The following POTEJ variants were observed in gnomAD, a reference collection of about 807,000 sequenced individuals.
The protein encoded by POTEJ is POTE ankyrin domain family member J.
Under a neutral mutation model 69.0 loss-of-function variants are expected in POTEJ, and 11 were observed. The observed-to-expected ratio is 0.16, with a 90% CI of 0.10 to 0.26. The LOEUF (loss-of-function observed/expected upper bound fraction) is 0.26. Ranked by LOEUF, POTEJ falls within the 10% of genes least tolerant of loss-of-function variation. POTEJ has a pLI of 1.00. For synonymous variants in POTEJ, 117 were observed against 381.1 expected, an observed-to-expected ratio of 0.31 and a Z score of 8.07; for missense variants, 327 against 1,045.5, an observed-to-expected ratio of 0.31 and a Z score of 9.48.
At chr2:130,612,852 T>C (rs1182725011) in intron 1 of POTEJ, among the ~76,000 whole-genome samples, 2 of 144,878 alleles carry the variant, frequency 1.4e-5, no homozygotes, top group African/African-American at 2.6e-5. Context: ...TTAGCGTTTT[T>C]AAATTACACA....
intron 10 of POTEJ, among the ~76,000 whole-genome samples, chr2:130,643,118 G>A (rs1229533355): frequency 6.8e-6 from 1 of 146,986 alleles, no homozygotes; most frequent in African/African-American, 2.5e-5. Flanking sequence ...GTACAGTTTA[G>A]GTGGTCAAGA....
intron 9 of POTEJ, among the ~76,000 whole-genome samples, chr2:130,637,740 A>C (rs1386874289): frequency 6.6e-6 from 1 of 152,282 alleles, no homozygotes; most frequent in Non-Finnish European, 1.5e-5. Flanking sequence ...AACCTAAAAA[A>C]AAAAATAAAA....
chr2:130,636,207 C>T (rs1463837235), intron 9 of POTEJ, among the ~76,000 whole-genome samples: 2 of 151,904 alleles, frequency 1.3e-5, no homozygotes, highest in Non-Finnish European at 2.9e-5. Flanking sequence ...TTAAAACCAC[C>T]TTTCTAAGAA....
intron 9 of POTEJ, among the ~76,000 whole-genome samples, chr2:130,636,054 C>A: frequency 6.9e-6 from 1 of 143,898 alleles, no homozygotes; most frequent in East Asian, 2.0e-4. Context: ...GCTTCAGCCA[C>A]ACTGAATTCT....
intron 13 of POTEJ, among the ~76,000 whole-genome samples, chr2:130,652,230 G>A (rs2105262194): frequency 7.3e-6 from 1 of 136,330 alleles, no homozygotes; most frequent in African/African-American, 2.8e-5. Context: ...CTTCTACCAT[G>A]GTTGTTAAGT....
chr2:130,613,313 CATATATATACATAT>C (rs1558915560), intron 1 of POTEJ, among the ~76,000 whole-genome samples: 1,113 of 76,776 alleles, frequency 0.014, 19 homozygotes, highest in African/African-American at 0.046. Flanking sequence ...TGTATATATA[CATATATATACATAT>C]GTATATATAC....
At chr2:130,641,982 A>G (rs1228394716) in intron 10 of POTEJ, among the ~76,000 whole-genome samples, 1 of 152,026 alleles carries the variant, frequency 6.6e-6, no homozygotes, top group East Asian at 1.9e-4. Context: ...GATACTCTCC[A>G]TGACCTGTGT....
In POTEJ at chr2:130,611,493, C is replaced by G. The variant is rs1193100369; in HGVS notation, c.-40C>G. On this transcript the variant is annotated 5_prime_UTR_variant, in exon 1 of 15. The change creates a new upstream start codon in the 5' untranslated region. Transcript: ENST00000409602. ...GGTGAAACTGGTTGGTAGACGTGAT[C>G]TGCTCGCTACTACCGGCCTCCCCAG... is the stretch of plus-strand genomic sequence containing the variant. 1.6e-6 allele frequency: 1 copy of G among 639,280 alleles called. No individual in the cohort carries two copies. Among genetic ancestry groups the G allele is most frequent in the African/African-American group, 2.6e-5 (1 of 37,886 alleles). 39.6% of individuals were successfully genotyped at this position (639,280 alleles called of 1,614,324 possible).
chr2:130,641,213 A>G (rs1047449100), intron 10 of POTEJ, among the ~76,000 whole-genome samples: 2 of 152,130 alleles, frequency 1.3e-5, no homozygotes, highest in African/African-American at 4.8e-5. Flanking sequence ...GATGGGAGAT[A>G]ATCATGCAAA....
At chr2:130,625,864 C>G (rs1167120292) in intron 6 of POTEJ, among the ~76,000 whole-genome samples, 2 of 133,780 alleles carry the variant, frequency 1.5e-5, no homozygotes, top group African/African-American at 3.2e-5. Context: ...GGAAATTTAC[C>G]GGGTAGAATG....
At position 130,633,965 on chromosome 2, in the gene POTEJ, G is replaced by A. The variant is rs1685998455; in HGVS notation, c.1298+1309G>A. Among the ~76,000 whole-genome samples the A allele has an allele frequency of 1.7e-4, 26 of 151,268 alleles. No individual in the cohort carries two copies. In the South Asian group the frequency reaches 5.2e-3, roughly 30 times the overall value. ...CTCACTCTGTTTCCCAGGCTGGAGT[G>A]CAGTTGTGTGATCATGGCTCACTGC... On this transcript the variant is annotated intron_variant, in intron 9 of 14. Coordinates refer to ENST00000409602, the MANE Select transcript of POTEJ (RefSeq NM_001277083.2).
chr2:130,613,304 GTATA>G (rs1433832003), intron 1 of POTEJ, among the ~76,000 whole-genome samples: 1 of 87,426 alleles, frequency 1.1e-5, no homozygotes, highest in Non-Finnish European at 2.3e-5. Flanking sequence ...ATATACATAT[GTATA>G]TATACATATA....
rs1306625508 is a variant in POTEJ, at chr2:130,651,681, CT to C, written c.1668-3239del. Among the ~76,000 whole-genome samples the C allele has an allele frequency of 2.6e-3, 352 of 134,790 alleles. 4 individuals are homozygous for C. Among genetic ancestry groups the C allele is most frequent in the African/African-American group, 9.8e-3 (339 of 34,468 alleles). 88.4% of individuals were successfully genotyped at this position (134,790 alleles called of 152,430 possible). On this transcript the variant is annotated intron_variant, in intron 13 of 14. Coordinates refer to ENST00000409602, the MANE Select transcript of POTEJ (RefSeq NM_001277083.2). ...ATAATCTCCAGTAGGAGATTTTAGT[CT>C]CTTTGTCAGTTCATGTATGTATATG...
rs1279102916 is a variant in POTEJ, at chr2:130,631,797, T to C, written c.1131+344T>C. On this transcript the variant is annotated intron_variant, in intron 8 of 14. Coordinates refer to ENST00000409602, the MANE Select transcript of POTEJ (RefSeq NM_001277083.2). ...AGAAGATAGCTTCTTATTCTGTGTA[T>C]CTTCCAGCTAGATAATTGTATGGCT... Among the ~76,000 whole-genome samples the C allele has an allele frequency of 2.8e-5, 4 of 142,642 alleles. 1 individual carries two copies. Among genetic ancestry groups the C allele is most frequent in the Admixed American group, 2.8e-4 (4 of 14,466 alleles). The allele number at this position is 142,642 out of a possible 152,430, so 93.6% of individuals were successfully genotyped here.
At chr2:130,629,020 A>G (rs534858689) in intron 6 of POTEJ, among the ~76,000 whole-genome samples, 222 of 138,488 alleles carry the variant, frequency 1.6e-3, no homozygotes, top group African/African-American at 7.1e-3. Flanking sequence ...CCCTGGCTCA[A>G]AAAAAAAAAA....
chr2:130,613,346 GTGTGTGTA>G (rs1685303873), intron 1 of POTEJ, among the ~76,000 whole-genome samples: 1 of 115,662 alleles, frequency 8.6e-6, no homozygotes, highest in Non-Finnish European at 1.7e-5. Flanking sequence ...ACATATATAT[GTGTGTGTA>G]TATATATACA....
At chr2:130,626,174 C>T (rs1402038939) in intron 6 of POTEJ, among the ~76,000 whole-genome samples, 4 of 149,122 alleles carry the variant, frequency 2.7e-5, no homozygotes, top group Non-Finnish European at 5.9e-5. Context: ...ACCACATGCT[C>T]ATTCCCAAAC....
At chr2:130,612,842 T>G (rs1390508072) in intron 1 of POTEJ, among the ~76,000 whole-genome samples, 1 of 145,980 alleles carries the variant, frequency 6.9e-6, no homozygotes, top group African/African-American at 2.5e-5. Flanking sequence ...TAGCAAAGTT[T>G]TAGCGTTTTT....
intron 8 of POTEJ, among the ~76,000 whole-genome samples, chr2:130,631,936 C>A (rs1487197973): frequency 1.4e-5 from 2 of 143,316 alleles, no homozygotes; most frequent in Non-Finnish European, 3.0e-5. Context: ...TTTCAGTGAG[C>A]ACCATCATGT....
Sources: allele counts gnomAD v4.1 joint callset (sites outside exome capture counted in the v4.1 genomes callset), GRCh38; gene constraint gnomAD v4.1.1; transcripts MANE v1.5; gene names NCBI Gene and HGNC (gene_info 2026-07-23, HGNC 2026-07-21).